LRRC72: variants seen among roughly 807,000 people sequenced by gnomAD.
LRRC72 encodes leucine rich repeat containing 72, also known as leucine-rich repeat-containing protein 72.
A neutral mutation model predicts 35.8 loss-of-function variants in LRRC72; 41 were observed. The observed-to-expected ratio is 1.15, with a 90% CI of 0.89 to 1.49. The LOEUF (loss-of-function observed/expected upper bound fraction) is 1.49, where lower values mean the gene tolerates loss of function less well. Among genes scored for constraint, LRRC72 ranks in the 40% most tolerant of loss-of-function variants. The pLI, the probability that LRRC72 is intolerant of heterozygous loss-of-function variation, is 0.00. For synonymous variants in LRRC72, 118 were observed against 119.2 expected (o/e 0.99, Z 0.07); for missense variants, 389 against 330.7 (o/e 1.18, Z -1.37).
At chr7:16,541,085 C>T (rs1023512313) in intron 3 of LRRC72, among the ~76,000 whole-genome samples, 2 of 152,138 alleles carry the variant, frequency 1.3e-5, no homozygotes, top group Admixed American at 1.3e-4. Flanking sequence ...ACCCCTCCCT[C>T]ACAGTAAGGG....
intron 5 of LRRC72, among the ~76,000 whole-genome samples, chr7:16,565,239 C>T (rs1182550185): frequency 8.5e-5 from 13 of 152,174 alleles, no homozygotes; most frequent in Admixed American, 8.5e-4. Flanking sequence ...TCGAGACCAG[C>T]CTTGCCAACA....
intron 4 of LRRC72, 148 bp from the exon 5 acceptor site, chr7:16,558,739 AAT>A (rs1782694044): frequency 7.0e-6 from 2 of 284,972 alleles, no homozygotes; most frequent in African/African-American, 2.2e-5. Flanking sequence ...ATATATTATT[AAT>A]AGTTATTCCT....
chr7:16,534,155 T>G (rs962615934), intron 2 of LRRC72, among the ~76,000 whole-genome samples: 1 of 152,220 alleles, frequency 6.6e-6, no homozygotes, highest in Admixed American at 6.5e-5. Flanking sequence ...ACCAAGTTTC[T>G]CTTGACTCTG....
Position 16,537,702 on chromosome 7 carries a change from G to T in LRRC72, c.234+6G>T. ...TATGGCTTCATCATAACAAGGTAGTGTTTTATTTTATCTTTCAATTACTAA... is the reference window on the plus strand; with the variant it reads ...TATGGCTTCATCATAACAAGGTAGTTTTTTATTTTATCTTTCAATTACTAA... On this transcript the variant is annotated splice_donor_region_variant and intron_variant, in intron 3 of 8. Transcript: ENST00000401542. 7.2e-7 allele frequency: 1 copy of T among 1,393,576 alleles called. No individual in the cohort carries two copies. The highest frequency in any genetic ancestry group is 2.4e-5 in the Admixed American group (1 of 41,662). The allele number at this position is 1,393,576 out of a possible 1,614,324, so 86.3% of individuals were successfully genotyped here. A position where few individuals can be genotyped will look rare whatever the true frequency, so the allele number is the denominator to read the frequency against.
At position 16,564,951 on chromosome 7, in the gene LRRC72, A is replaced by C. The variant is rs79009127; in HGVS notation, c.428-1362A>C. Reference sequence around the variant, plus strand: ...TGCTTACTATTTTCATGCCTTTATCAAACCTGTATTTTATGAATAGTCTAC... The same window carrying C: ...TGCTTACTATTTTCATGCCTTTATCCAACCTGTATTTTATGAATAGTCTAC... On this transcript the variant is annotated intron_variant, in intron 5 of 8. Transcript: ENST00000401542. Among the ~76,000 whole-genome samples, 978 of 152,318 alleles carry C rather than the reference A, an allele frequency of 6.4e-3. 6 individuals carry two copies. The highest frequency in any genetic ancestry group is 0.022 in the African/African-American group (919 of 41,564).
At chr7:16,567,624 T>C in intron 7 of LRRC72, 81 bp downstream of exon 7, 2 of 1,119,566 alleles carry the variant, frequency 1.8e-6, no homozygotes, top group South Asian at 2.9e-5. Flanking sequence ...ATTGTAATAA[T>C]AACAACTACA....
At chr7:16,579,117 A>T (rs999930212) in intron 7 of LRRC72, among the ~76,000 whole-genome samples, 15 of 152,276 alleles carry the variant, frequency 9.9e-5, no homozygotes, top group African/African-American at 3.6e-4. Flanking sequence ...TGTTCTCACC[A>T]CGTATACACA....
chr7:16,581,245 AT>A, intron 8 of LRRC72, 78 bp from the exon 9 acceptor site: 1 of 1,278,212 alleles, frequency 7.8e-7, no homozygotes, highest in Non-Finnish European at 1.0e-6. Flanking sequence ...GCATTGATTC[AT>A]TTGAATAAAA....
chr7:16,581,312 T>A lies in LRRC72; in HGVS notation c.699-12T>A. ...TTGCTTTTTTTCTGACATAATTGCT[T>A]TTTTTTTGCAGAACTGTGCTTGATG... On this transcript the variant is annotated splice_polypyrimidine_tract_variant and intron_variant, in intron 8 of 8. Coordinates refer to ENST00000401542, the MANE Select transcript of LRRC72 (RefSeq NM_001195280.2). 2.1e-6 allele frequency: 3 copies of A among 1,426,696 alleles called. No homozygotes were observed. Among genetic ancestry groups the A allele is most frequent in the Non-Finnish European group, 2.8e-6 (3 of 1,083,146 alleles). 88.4% of individuals were successfully genotyped at this position (1,426,696 alleles called of 1,614,324 possible).
chr7:16,545,580 C>A (rs1037699867), intron 3 of LRRC72, among the ~76,000 whole-genome samples: 1 of 152,078 alleles, frequency 6.6e-6, no homozygotes, highest in Non-Finnish European at 1.5e-5. Context: ...ACAAACTCCA[C>A]TGTAGAATGT....
chr7:16,559,046 C>G, intron 5 of LRRC72, 47 bp downstream of exon 5: 4 of 1,106,356 alleles, frequency 3.6e-6, no homozygotes, highest in Non-Finnish European at 5.2e-6. Flanking sequence ...ATAGTATTAA[C>G]ATAAGACATT....
chr7:16,534,027 CT>C (rs1288623927), intron 2 of LRRC72, among the ~76,000 whole-genome samples: 11 of 152,266 alleles, frequency 7.2e-5, no homozygotes, highest in Non-Finnish European at 1.3e-4. Context: ...TAATCGACTC[CT>C]TGTGAGAAGG....
chr7:16,535,727 T>C (rs989364137), intron 2 of LRRC72, among the ~76,000 whole-genome samples: 1 of 152,234 alleles, frequency 6.6e-6, no homozygotes, highest in African/African-American at 2.4e-5. Context: ...CCTTATGTGA[T>C]TCAGTAATTA....
intron 2 of LRRC72, among the ~76,000 whole-genome samples, chr7:16,535,847 C>G (rs575773699): frequency 1.3e-5 from 2 of 152,284 alleles, no homozygotes; most frequent in Non-Finnish European, 2.9e-5. Flanking sequence ...ATCCTGGACT[C>G]TCCAAAAAGC....
intron 8 of LRRC72, 93 bp from the exon 9 acceptor site, chr7:16,581,231 C>T (rs1783135884): frequency 3.5e-6 from 4 of 1,132,462 alleles, no homozygotes; most frequent in East Asian, 5.4e-5. Flanking sequence ...CACAGAAAAA[C>T]ATGGCATTGA....
At chr7:16,554,385 C>A (rs1286562778) in intron 3 of LRRC72, among the ~76,000 whole-genome samples, 1 of 152,090 alleles carries the variant, frequency 6.6e-6, no homozygotes, top group Non-Finnish European at 1.5e-5. Flanking sequence ...AGTATCAGGA[C>A]AATAGCATAT....
At chr7:16,577,998 A>T (rs952983419) in intron 7 of LRRC72, among the ~76,000 whole-genome samples, 1 of 152,204 alleles carries the variant, frequency 6.6e-6, no homozygotes, top group Admixed American at 6.5e-5. Context: ...AAACCATTTG[A>T]CACAGCAACT....
chr7:16,548,099 A>G (rs577165720), intron 3 of LRRC72, among the ~76,000 whole-genome samples: 3 of 152,376 alleles, frequency 2.0e-5, no homozygotes, highest in Admixed American at 2.0e-4. Context: ...GACCAGCTGC[A>G]GAGAGGAGCT....
At position 16,581,310 on chromosome 7, in the gene LRRC72, CTT is replaced by C; in HGVS notation, c.699-6_699-5del. 4.3e-6 allele frequency: 6 copies of C among 1,386,692 alleles called. No homozygotes were observed. In the South Asian group the frequency reaches 6.7e-5, roughly 15 times the overall value. 85.9% of individuals were successfully genotyped at this position (1,386,692 alleles called of 1,614,324 possible). A position where few individuals can be genotyped will look rare whatever the true frequency, so the allele number is the denominator to read the frequency against. ...GATTGCTTTTTTTCTGACATAATTGCTTTTTTTTTGCAGAACTGTGCTTGATG... is the reference window on the plus strand; with the variant it reads ...GATTGCTTTTTTTCTGACATAATTGCTTTTTTTGCAGAACTGTGCTTGATG... On this transcript the variant is annotated splice_polypyrimidine_tract_variant and intron_variant, in intron 8 of 8. Transcript: ENST00000401542.
Sources: gnomAD v4.1 joint callset for allele counts (sites outside exome capture counted in the v4.1 genomes callset) on GRCh38, gnomAD v4.1.1 for gene constraint, MANE v1.5 for transcripts, NCBI Gene and HGNC (gene_info 2026-07-23, HGNC 2026-07-21) for gene names.